The following CCDC50 variants were observed in gnomAD, a reference collection of about 807,000 sequenced individuals.
The protein encoded by CCDC50 is coiled-coil domain containing 50.
CCDC50 carries 54 observed loss-of-function variants against 70.2 expected under a neutral mutation model. That is an observed-to-expected ratio of 0.77 (90% CI 0.62 to 0.96). The LOEUF (loss-of-function observed/expected upper bound fraction) is 0.96. Ranked by LOEUF, CCDC50 falls within the 50% of genes least tolerant of loss-of-function variation. The pLI, the probability that CCDC50 is intolerant of heterozygous loss-of-function variation, is 0.00. For synonymous variants in CCDC50, 216 were observed against 198.8 expected, an observed-to-expected ratio of 1.09 and a Z score of -0.73; for missense variants, 558 against 578.7, an observed-to-expected ratio of 0.96 and a Z score of 0.37.
intron 1 of CCDC50, among the ~76,000 whole-genome samples, chr3:191,332,867 C>CATCT (rs1167552847): frequency 3.3e-4 from 50 of 152,300 alleles, no homozygotes; most frequent in African/African-American, 1.1e-3. Context: ...CCTCTCTAAC[C>CATCT]AAGATGTTGA....
At chr3:191,388,991 T>G (rs1713592874) in intron 10 of CCDC50, among the ~76,000 whole-genome samples, 2 of 152,054 alleles carry the variant, frequency 1.3e-5, no homozygotes, top group African/African-American at 4.8e-5. Context: ...TGCAAATGTA[T>G]TAAGATCTGT....
At chr3:191,343,215 G>C (rs1047095993) in intron 1 of CCDC50, among the ~76,000 whole-genome samples, 1 of 152,182 alleles carries the variant, frequency 6.6e-6, no homozygotes, top group South Asian at 2.1e-4. Context: ...AGGGATGACT[G>C]TACTTATGAT....
At chr3:191,330,812 T>A (rs993537959) in intron 1 of CCDC50, among the ~76,000 whole-genome samples, 2 of 152,210 alleles carry the variant, frequency 1.3e-5, no homozygotes, top group Non-Finnish European at 2.9e-5. Context: ...ACTGCTTGAT[T>A]GCTTTCTCAG....
At chr3:191,346,443 T>G (rs760863975) in intron 1 of CCDC50, among the ~76,000 whole-genome samples, 3 of 152,194 alleles carry the variant, frequency 2.0e-5, no homozygotes, top group Non-Finnish European at 2.9e-5. Context: ...AGTCAAGTAT[T>G]TCAAATATAG....
intron 10 of CCDC50, among the ~76,000 whole-genome samples, chr3:191,386,159 C>T (rs896765772): frequency 4.0e-5 from 6 of 149,608 alleles, no homozygotes; most frequent in Non-Finnish European, 7.4e-5. Context: ...CAAAAAGTGA[C>T]GTTGGTAATT....
intron 1 of CCDC50, among the ~76,000 whole-genome samples, chr3:191,355,706 A>G (rs115364607): frequency 0.072 from 11,040 of 152,288 alleles, 493 homozygotes; most frequent in East Asian, 0.24. Flanking sequence ...AGATATTAGA[A>G]TCGGTTGAGA....
At chr3:191,366,624 G>A (rs1211636477) in intron 4 of CCDC50, among the ~76,000 whole-genome samples, 1 of 151,924 alleles carries the variant, frequency 6.6e-6, no homozygotes, top group African/African-American at 2.4e-5. Flanking sequence ...AATGTGAACA[G>A]AAGCTTCTGT....
intron 1 of CCDC50, among the ~76,000 whole-genome samples, chr3:191,351,134 G>A (rs1216116028): frequency 7.1e-6 from 1 of 141,798 alleles, no homozygotes; most frequent in East Asian, 1.9e-4. Context: ...AGAATATTTT[G>A]TTTCTGAGTG....
chr3:191,370,051 A>G lies in CCDC50; in HGVS notation c.448+15A>G, dbSNP rs1292103233. ...TGAAGATGGAGGTAACAATTCCTGCATCATGATCTATTCTATCCTTAGACT... is the reference window on the plus strand; with the variant it reads ...TGAAGATGGAGGTAACAATTCCTGCGTCATGATCTATTCTATCCTTAGACT... On this transcript the variant is annotated intron_variant, in intron 5 of 11. Transcript: ENST00000392455. 6.7e-7 allele frequency: 1 copy of G among 1,497,492 alleles called. No homozygotes were observed. Among genetic ancestry groups the G allele is most frequent in the Non-Finnish European group, 9.3e-7 (1 of 1,074,678 alleles). The allele number at this position is 1,497,492 out of a possible 1,614,324, so 92.8% of individuals were successfully genotyped here.
intron 1 of CCDC50, among the ~76,000 whole-genome samples, chr3:191,335,197 C>A (rs1430599028): frequency 6.6e-6 from 1 of 152,116 alleles, no homozygotes; most frequent in African/African-American, 2.4e-5. Context: ...GTTATGGAGA[C>A]CACTAAACTT....
chr3:191,347,180 CT>C (rs1711957048), intron 1 of CCDC50, among the ~76,000 whole-genome samples: 1 of 142,472 alleles, frequency 7.0e-6, no homozygotes, highest in African/African-American at 2.5e-5. Context: ...CGGAAAATGT[CT>C]TTCTGTTACT....
chr3:191,381,181 A>G (rs921921477), intron 9 of CCDC50, among the ~76,000 whole-genome samples: 14 of 152,118 alleles, frequency 9.2e-5, no homozygotes, highest in African/African-American at 2.9e-4. Flanking sequence ...AGTGAAATGC[A>G]AGTGCTTCTG....
At chr3:191,342,343 T>C (rs1252411858) in intron 1 of CCDC50, among the ~76,000 whole-genome samples, 1 of 152,194 alleles carries the variant, frequency 6.6e-6, no homozygotes. Context: ...TTTTGAATAT[T>C]GCTCTCAATC....
chr3:191,329,938 T>C (rs983401207), intron 1 of CCDC50, among the ~76,000 whole-genome samples: 1 of 5,518 alleles, frequency 1.8e-4, no homozygotes. Context: ...CTCAAGGGGG[T>C]GGTTGGGGGG....
chr3:191,361,245 A>C, intron 4 of CCDC50, 86 bp downstream of exon 4: 1 of 922,276 alleles, frequency 1.1e-6, no homozygotes, highest in East Asian at 2.5e-5. Context: ...CACGGGCTCA[A>C]TGAAGGGTTT....
At position 191,394,130 on chromosome 3, in the gene CCDC50, G is replaced by A. The variant is rs532041045; in HGVS notation, c.*2370G>A. ...TTCAGCTGTTTTAGTAAGTGACCAA[G>A]TAAGCTATCACCTTGTGATAGCTAA... On this transcript the variant is annotated 3_prime_UTR_variant, in exon 12 of 12. Transcript: ENST00000392455. The A allele has an allele frequency of 1.3e-5, 2 of 152,194 alleles. No individual in the cohort carries two copies. The highest frequency in any genetic ancestry group is 1.9e-4 in the East Asian group (1 of 5,180). 9.4% of individuals were successfully genotyped at this position (152,194 alleles called of 1,614,324 possible).
rs762982877 is a variant in CCDC50, at chr3:191,375,433, C to G, written c.820C>G (p.Arg274Gly). The G allele has an allele frequency of 1.2e-6, 2 of 1,613,758 alleles. No individual in the cohort carries two copies. Among genetic ancestry groups the G allele is most frequent in the Non-Finnish European group, 8.5e-7 (1 of 1,179,844 alleles). ...NWEKQSRHQD[R>G]LSPKSSQKAG... ...GGAAAAACAGTCTCGACACCAAGAT[C>G]GACTTTCACCCAAGTCCTCACAAAA... Residue 274 changes from arginine (R) to glycine (G), a missense_variant, in exon 6 of 12, where the codon CGA (arginine) becomes GGA (glycine). Coordinates refer to ENST00000392455, the MANE Select transcript of CCDC50 (RefSeq NM_178335.3).
At position 191,389,559 on chromosome 3, in the gene CCDC50, G is replaced by A. The variant is rs1011739381; in HGVS notation, c.1386G>A (p.Gln462=). The A allele has an allele frequency of 3.7e-6, 6 of 1,613,946 alleles. No individual in the cohort carries two copies. Among genetic ancestry groups the A allele is most frequent in the Non-Finnish European group, 5.1e-6 (6 of 1,179,978 alleles). ...ATTACACTCATTTTACAAACCAGCAGAGTTCCACACGGCATTTCTCAAAAT... is the reference window on the plus strand; with the variant it reads ...ATTACACTCATTTTACAAACCAGCAAAGTTCCACACGGCATTTCTCAAAAT... The part of the protein sequence containing the change: ...DADYTHFTNQ[Q]SSTRHFSKSE... The change falls in exon 11 of 12, where the codon CAG becomes CAA. Residue 462 remains glutamine, a synonymous_variant. Coordinates refer to ENST00000392455, the MANE Select transcript of CCDC50 (RefSeq NM_178335.3).
intron 5 of CCDC50, chr3:191,370,382 A>C: frequency 3.7e-6 from 1 of 266,790 alleles, no homozygotes; most frequent in African/African-American, 3.0e-5. Context: ...ACCCCACAAC[A>C]GGCCCCGGTG....
Sources: gnomAD v4.1 joint callset for allele counts (sites outside exome capture counted in the v4.1 genomes callset) on GRCh38, gnomAD v4.1.1 for gene constraint, MANE v1.5 for transcripts, NCBI Gene and HGNC (gene_info 2026-07-23, HGNC 2026-07-21) for gene names.